Variants in SHB observed in about 807,000 individuals in gnomAD.
SHB encodes SH2 domain-containing adapter protein B.
A neutral mutation model predicts 52.3 loss-of-function variants in SHB; 20 were observed. The observed-to-expected ratio is 0.38, with a 90% CI of 0.27 to 0.56. The LOEUF (loss-of-function observed/expected upper bound fraction) is 0.56. SHB is among the 20% of genes least tolerant of loss of function. SHB has a pLI of 0.71. For synonymous variants in SHB, 397 were observed against 316.5 expected (o/e 1.25, Z -2.70); for missense variants, 825 against 723.3 (o/e 1.14, Z -1.61).
intron 1 of SHB, among the ~76,000 whole-genome samples, chr9:38,046,772 C>T (rs978352955): frequency 1.1e-4 from 16 of 152,220 alleles, no homozygotes; most frequent in African/African-American, 3.6e-4. Context: ...GGACAACAGT[C>T]ATATAATGTT....
At chr9:37,959,035 G>C (rs1359996880) in intron 3 of SHB, among the ~76,000 whole-genome samples, 1 of 152,152 alleles carries the variant, frequency 6.6e-6, no homozygotes, top group African/African-American at 2.4e-5. Flanking sequence ...TTATAGATGG[G>C]GATAATCAGA....
chr9:38,041,579 G>C (rs1037154417), intron 1 of SHB, among the ~76,000 whole-genome samples: 1 of 152,096 alleles, frequency 6.6e-6, no homozygotes, highest in South Asian at 2.1e-4. Context: ...CGGTGAGTTC[G>C]GGGAAGAAAA....
chr9:38,056,408 T>C (rs975464808), intron 1 of SHB, among the ~76,000 whole-genome samples: 1 of 152,220 alleles, frequency 6.6e-6, no homozygotes. Flanking sequence ...CTCAGTTCAC[T>C]GCAACCTCTG....
chr9:37,996,806 A>G (rs1820952222), intron 2 of SHB, among the ~76,000 whole-genome samples: 1 of 152,222 alleles, frequency 6.6e-6, no homozygotes, highest in South Asian at 2.1e-4. Context: ...TGTAGCACTA[A>G]TTATCTGTCT....
chr9:38,038,297 A>G (rs1821516076), intron 1 of SHB, among the ~76,000 whole-genome samples: 1 of 152,070 alleles, frequency 6.6e-6, no homozygotes, highest in Non-Finnish European at 1.5e-5. Context: ...TCTATCACAA[A>G]AGCAATGGAC....
intron 5 of SHB, among the ~76,000 whole-genome samples, chr9:37,923,970 C>G (rs372371720): frequency 8.4e-4 from 128 of 152,354 alleles, no homozygotes; most frequent in African/African-American, 2.9e-3. Context: ...TTCCACACCT[C>G]GGCACCGTCA....
chr9:38,022,699 T>C (rs1293046001), intron 1 of SHB, among the ~76,000 whole-genome samples: 1 of 152,136 alleles, frequency 6.6e-6, no homozygotes, highest in Non-Finnish European at 1.5e-5. Context: ...AAAGATGACA[T>C]TACAGAAACA....
At chr9:37,985,507 G>A (rs1350420528) in intron 2 of SHB, among the ~76,000 whole-genome samples, 1 of 152,254 alleles carries the variant, frequency 6.6e-6, no homozygotes, top group Non-Finnish European at 1.5e-5. Flanking sequence ...CTAAGCCGCT[G>A]CAGGCCTGCG....
At chr9:37,953,614 T>A (rs1587209651) in intron 4 of SHB, among the ~76,000 whole-genome samples, 1 of 152,098 alleles carries the variant, frequency 6.6e-6, no homozygotes, top group African/African-American at 2.4e-5. Flanking sequence ...TAGGCAGATG[T>A]GTGCCTGCCC....
At position 37,917,777 on chromosome 9, in the gene SHB, A is replaced by G. The variant is rs371712032; in HGVS notation, c.*2044T>C. On this transcript the variant is annotated 3_prime_UTR_variant, in exon 6 of 6. Coordinates refer to ENST00000377707, the MANE Select transcript of SHB (RefSeq NM_003028.3). The stretch of plus-strand genomic sequence containing the variant: ...TTTAGGAAATGCCAAACAGGCAAGG[A>G]AAGGATTGGCTTCTTTAAGAGATTA... 1.3e-5 allele frequency among the ~76,000 whole-genome samples: 2 copies of G among 152,222 alleles called. No individual in the cohort carries two copies. The highest frequency in any genetic ancestry group is 4.8e-5 in the African/African-American group (2 of 41,458).
rs145216999 is a variant in SHB at position 37,963,878 on chromosome 9, C to T, written c.1055-7824G>A. On this transcript the variant is annotated intron_variant, in intron 3 of 5. Coordinates refer to ENST00000377707, the MANE Select transcript of SHB (RefSeq NM_003028.3). ...TCTGCTGTTTCAGCTTTCCAAACAA[C>T]GTACTGTATCATCTCATCTGACCCT... Among the ~76,000 whole-genome samples the T allele has an allele frequency of 1.3e-3, 203 of 152,272 alleles. 1 individual carries two copies. The highest frequency in any genetic ancestry group is 2.5e-3 in the Non-Finnish European group (172 of 68,018).
intron 5 of SHB, among the ~76,000 whole-genome samples, chr9:37,943,351 C>T (rs1364318735): frequency 6.6e-6 from 1 of 152,160 alleles, no homozygotes; most frequent in Non-Finnish European, 1.5e-5. Flanking sequence ...GTCTTCCTTT[C>T]CTTGTGAGGC....
intron 2 of SHB, among the ~76,000 whole-genome samples, chr9:38,002,848 C>G (rs1015221465): frequency 6.6e-6 from 1 of 152,112 alleles, no homozygotes; most frequent in African/African-American, 2.4e-5. Context: ...GGGTGGAGAC[C>G]GTGAGTTTTA....
intron 1 of SHB, among the ~76,000 whole-genome samples, chr9:38,028,462 C>T (rs189960448): frequency 1.3e-4 from 20 of 152,326 alleles, no homozygotes; most frequent in Non-Finnish European, 2.5e-4. Flanking sequence ...CCCAGGCTTG[C>T]TCACAACCCC....
intron 3 of SHB, among the ~76,000 whole-genome samples, chr9:37,961,725 G>A (rs1832693938): frequency 6.6e-6 from 1 of 152,210 alleles, no homozygotes; most frequent in South Asian, 2.1e-4. Flanking sequence ...TCAGAGCTCA[G>A]CTCCAACGTT....
intron 1 of SHB, among the ~76,000 whole-genome samples, chr9:38,046,454 T>C (rs138919023): frequency 1.4e-4 from 21 of 152,214 alleles, no homozygotes; most frequent in African/African-American, 5.1e-4. Context: ...CTGAGGGCAA[T>C]ATACTGATGC....
At chr9:38,014,876 C>T (rs1162315961) in intron 2 of SHB, among the ~76,000 whole-genome samples, 2 of 152,238 alleles carry the variant, frequency 1.3e-5, no homozygotes, top group Non-Finnish European at 2.9e-5. Flanking sequence ...GGACCCGGCA[C>T]ACGCTCAGTG....
intron 2 of SHB, among the ~76,000 whole-genome samples, chr9:38,014,177 C>A (rs939715926): frequency 1.3e-5 from 2 of 152,086 alleles, no homozygotes; most frequent in Non-Finnish European, 1.5e-5. Flanking sequence ...CTCAGTTTCC[C>A]AATCTGTAAA....
At chr9:38,009,678 G>C (rs1192878095) in intron 2 of SHB, among the ~76,000 whole-genome samples, 1 of 152,104 alleles carries the variant, frequency 6.6e-6, no homozygotes, top group Non-Finnish European at 1.5e-5. Context: ...CAGAGGATGA[G>C]AAAATACAAA....
Sources: allele counts gnomAD v4.1 joint callset (sites outside exome capture counted in the v4.1 genomes callset), GRCh38; gene constraint gnomAD v4.1.1; transcripts MANE v1.5; gene names NCBI Gene and HGNC (gene_info 2026-07-23, HGNC 2026-07-21).